GPC6: variants seen among roughly 807,000 people sequenced by gnomAD.
The protein encoded by GPC6 is glypican 6.
In GPC6, 14 loss-of-function variants were observed where a neutral mutation model predicts 55.2. That is an observed-to-expected ratio of 0.25 (90% CI 0.17 to 0.40). The LOEUF (loss-of-function observed/expected upper bound fraction) is 0.40. Among genes scored for constraint, GPC6 ranks in the 10% least tolerant of loss-of-function variants. GPC6 has a pLI of 1.00. For missense variants in GPC6, 641 were observed against 708.5 expected, an observed-to-expected ratio of 0.90 and a Z score of 1.08; for synonymous variants, 278 against 259.6, an observed-to-expected ratio of 1.07 and a Z score of -0.68.
At chr13:94,391,811 C>T (rs983480963) in intron 7 of GPC6, among the ~76,000 whole-genome samples, 5 of 152,286 alleles carry the variant, frequency 3.3e-5, no homozygotes, top group Admixed American at 3.3e-4. Context: ...CCCTCTACCC[C>T]CAGGCCCTGC....
At chr13:93,341,010 G>A (rs945052190) in intron 1 of GPC6, among the ~76,000 whole-genome samples, 3 of 151,968 alleles carry the variant, frequency 2.0e-5, no homozygotes, top group African/African-American at 7.3e-5. Flanking sequence ...TCAATATTTG[G>A]TTATTCATTC....
At chr13:94,255,975 C>A (rs1332868069) in intron 4 of GPC6, among the ~76,000 whole-genome samples, 2 of 152,064 alleles carry the variant, frequency 1.3e-5, no homozygotes, top group Non-Finnish European at 2.9e-5. Flanking sequence ...AATCACAGGT[C>A]CCATCGCAGA....
intron 6 of GPC6, among the ~76,000 whole-genome samples, chr13:94,315,133 A>T (rs187540462): frequency 2.8e-4 from 42 of 152,306 alleles, no homozygotes; most frequent in Non-Finnish European, 5.3e-4. Context: ...GAAAAATAAA[A>T]AGTCAGGTTG....
intron 5 of GPC6, among the ~76,000 whole-genome samples, chr13:94,292,887 A>G (rs1421099395): frequency 6.6e-6 from 1 of 152,198 alleles, no homozygotes; most frequent in African/African-American, 2.4e-5. Flanking sequence ...TATTTGGCCC[A>G]CAAGGAAGCT....
chr13:93,960,730 CT>C (rs1879729234), intron 3 of GPC6, among the ~76,000 whole-genome samples: 1 of 151,956 alleles, frequency 6.6e-6, no homozygotes, highest in Non-Finnish European at 1.5e-5. Flanking sequence ...CTCTGTGATG[CT>C]GAAGCCACTG....
chr13:93,693,968 T>C (rs1171286338), intron 2 of GPC6, among the ~76,000 whole-genome samples: 1 of 152,218 alleles, frequency 6.6e-6, no homozygotes, highest in African/African-American at 2.4e-5. Context: ...TATTTAAGTA[T>C]GTATGTAAGT....
intron 2 of GPC6, among the ~76,000 whole-genome samples, chr13:93,651,329 A>G (rs976116717): frequency 6.6e-6 from 1 of 151,996 alleles, no homozygotes; most frequent in Non-Finnish European, 1.5e-5. Context: ...GCTTTGTACA[A>G]CTTTTCTCTT....
chr13:93,316,803 T>C (rs2139117029), intron 1 of GPC6, among the ~76,000 whole-genome samples: 1 of 152,222 alleles, frequency 6.6e-6, no homozygotes, highest in South Asian at 2.1e-4. Context: ...TCTTATAATG[T>C]TATGAGGAAC....
At chr13:93,425,874 C>T (rs1451914902) in intron 1 of GPC6, among the ~76,000 whole-genome samples, 1 of 152,132 alleles carries the variant, frequency 6.6e-6, no homozygotes. Context: ...GCCACAATAC[C>T]CTCCCTACCC....
At chr13:94,067,628 C>T (rs528085659) in intron 4 of GPC6, among the ~76,000 whole-genome samples, 2 of 150,392 alleles carry the variant, frequency 1.3e-5, no homozygotes, top group Admixed American at 6.6e-5. Flanking sequence ...GATAGACAGA[C>T]AGACAGACAG....
intron 2 of GPC6, chr13:93,818,831 T>C (rs1349741295): frequency 1.3e-5 from 2 of 152,132 alleles, no homozygotes; most frequent in African/African-American, 4.8e-5. Flanking sequence ...AGAATAGAAT[T>C]GGGAGTTTTC....
chr13:93,989,566 A>G (rs1031788628), intron 3 of GPC6, among the ~76,000 whole-genome samples: 4 of 152,200 alleles, frequency 2.6e-5, no homozygotes, highest in Non-Finnish European at 5.9e-5. Flanking sequence ...GTCTGGGCTC[A>G]GTGCCGAAAA....
At chr13:94,382,012 T>C (rs1414068228) in intron 6 of GPC6, among the ~76,000 whole-genome samples, 1 of 152,218 alleles carries the variant, frequency 6.6e-6, no homozygotes, top group Non-Finnish European at 1.5e-5. Context: ...AAAGTATTTA[T>C]CTCTTGGTGC....
At chr13:93,806,442 A>G (rs1886545086) in intron 2 of GPC6, among the ~76,000 whole-genome samples, 1 of 152,298 alleles carries the variant, frequency 6.6e-6, no homozygotes, top group South Asian at 2.1e-4. Context: ...AGTTCAAACA[A>G]TTCTCCCGCC....
chr13:94,184,038 G>A (rs1889087258), intron 4 of GPC6, among the ~76,000 whole-genome samples: 1 of 152,100 alleles, frequency 6.6e-6, no homozygotes, highest in East Asian at 1.9e-4. Flanking sequence ...TGTGATAGTT[G>A]GCTAGCCATA....
intron 3 of GPC6, among the ~76,000 whole-genome samples, chr13:93,945,813 A>G (rs776480608): frequency 2.0e-5 from 3 of 152,182 alleles, no homozygotes; most frequent in Non-Finnish European, 2.9e-5. Flanking sequence ...GTTGTAATTG[A>G]CAAATGAATG....
chr13:93,885,891 G>C (rs2140313472), intron 3 of GPC6, among the ~76,000 whole-genome samples: 1 of 152,188 alleles, frequency 6.6e-6, no homozygotes, highest in East Asian at 1.9e-4. Flanking sequence ...TAATGTGCTT[G>C]AAGAGAGATG....
chr13:94,340,890 A>G (rs1243587302), intron 6 of GPC6, among the ~76,000 whole-genome samples: 5 of 152,234 alleles, frequency 3.3e-5, no homozygotes. Flanking sequence ...TAACATTACC[A>G]AATCATATTA....
intron 3 of GPC6, among the ~76,000 whole-genome samples, chr13:93,992,348 C>G (rs1047121899): frequency 4.6e-5 from 7 of 151,766 alleles, no homozygotes; most frequent in Non-Finnish European, 8.8e-5. Flanking sequence ...AAGAATGTAC[C>G]TTTTCAGTGA....
Sources: gnomAD v4.1 joint callset for allele counts (sites outside exome capture counted in the v4.1 genomes callset) on GRCh38, gnomAD v4.1.1 for gene constraint, MANE v1.5 for transcripts, NCBI Gene and HGNC (gene_info 2026-07-23, HGNC 2026-07-21) for gene names.